The following EYS variants were observed in gnomAD, a reference collection of about 807,000 sequenced individuals.
The protein encoded by EYS is EGF-like photoreceptor maintenance factor.
Under a neutral mutation model 282.1 loss-of-function variants are expected in EYS, and 250 were observed. The ratio of observed to expected loss-of-function variants is 0.89; its 90% CI spans 0.80 to 0.98. EYS has a LOEUF of 0.98. Ranked by LOEUF, EYS falls within the 50% of genes least tolerant of loss-of-function variation. EYS has a pLI of 0.00. For missense variants in EYS, 4,016 were observed against 3,709.0 expected (o/e 1.08, Z -2.15); for synonymous variants, 1,355 against 1,282.9 (o/e 1.06, Z -1.20).
intron 35 of EYS, among the ~76,000 whole-genome samples, chr6:63,894,348 A>C (rs1197183229): frequency 6.6e-6 from 1 of 152,102 alleles, no homozygotes; most frequent in Non-Finnish European, 1.5e-5. Flanking sequence ...CTTCAGACAG[A>C]CAGACGCAGA....
chr6:63,843,179 A>T (rs1184395576), intron 36 of EYS, among the ~76,000 whole-genome samples: 1 of 152,214 alleles, frequency 6.6e-6, no homozygotes, highest in Non-Finnish European at 1.5e-5. Flanking sequence ...ATAGCATTGA[A>T]TTTATAAATT....
intron 2 of EYS, among the ~76,000 whole-genome samples, chr6:65,561,517 T>C (rs1200235024): frequency 2.0e-5 from 3 of 152,136 alleles, no homozygotes; most frequent in African/African-American, 7.2e-5. Context: ...CACTCCCAGG[T>C]GTATCACATT....
In EYS at chr6:64,591,960, C is replaced by A; in HGVS notation, c.3907G>T (p.Asp1303Tyr). 6.6e-7 allele frequency: 1 copy of A among 1,510,008 alleles called. No homozygotes were observed. Among genetic ancestry groups the A allele is most frequent in the South Asian group, 1.3e-5 (1 of 77,624 alleles). 93.5% of individuals were successfully genotyped at this position (1,510,008 alleles called of 1,614,324 possible). The stretch of plus-strand genomic sequence containing the variant: ...GCCAAACCAGTGGTTGGGAGAATGT[C>A]GTGCTTGACAATGCCTGTCTGTTTT... Reference protein sequence around the residue: ...GPKQTGIVKHDILPTTGLATL... With the variant: ...GPKQTGIVKHYILPTTGLATL... The change falls in exon 26 of 43, where the codon GAC (aspartate) becomes TAC (tyrosine). Residue 1303 changes from aspartate to tyrosine, a missense_variant. By Grantham distance (160) the Asp-to-Tyr change is radical. Transcript: ENST00000503581.
chr6:64,781,533 CGCTACTGCACTCCA>C (rs903204468), intron 22 of EYS, among the ~76,000 whole-genome samples: 1 of 145,788 alleles, frequency 6.9e-6, no homozygotes, highest in Non-Finnish European at 1.5e-5. Flanking sequence ...GCCGAGATTG[CGCTACTGCACTCCA>C]GCCTGGGCGA....
chr6:63,797,920 A>G (rs1770685797), intron 37 of EYS: 1 of 152,192 alleles, frequency 6.6e-6, no homozygotes, highest in African/African-American at 2.4e-5. Context: ...TATGGCCCAC[A>G]TTTTTATATC....
At chr6:65,027,020 GTGT>G (rs1561928360) in intron 13 of EYS, among the ~76,000 whole-genome samples, 1 of 129,650 alleles carries the variant, frequency 7.7e-6, no homozygotes, top group Non-Finnish European at 1.6e-5. Flanking sequence ...TTTGTAATGT[GTGT>G]TTTTTTTTTT....
chr6:64,778,340 G>T (rs1030104617), intron 22 of EYS, among the ~76,000 whole-genome samples: 1 of 152,160 alleles, frequency 6.6e-6, no homozygotes, highest in East Asian at 1.9e-4. Context: ...AGCATCCAAA[G>T]AAATCTGCAA....
intron 30 of EYS, among the ~76,000 whole-genome samples, chr6:64,280,554 C>A (rs186788099): frequency 6.6e-6 from 1 of 152,160 alleles, no homozygotes; most frequent in Admixed American, 6.5e-5. Flanking sequence ...TAAATTTATA[C>A]AGATGGTTCT....
At chr6:65,300,225 C>T (rs372089691) in intron 11 of EYS, among the ~76,000 whole-genome samples, 6 of 152,148 alleles carry the variant, frequency 3.9e-5, no homozygotes, top group African/African-American at 7.2e-5. Flanking sequence ...TCCACAGGCT[C>T]ACTTCATAGT....
At chr6:64,991,635 T>C (rs1022638947) in intron 14 of EYS, among the ~76,000 whole-genome samples, 2 of 151,640 alleles carry the variant, frequency 1.3e-5, no homozygotes, top group African/African-American at 4.8e-5. Flanking sequence ...TTTATTACAA[T>C]AGTGTGGAGA....
At chr6:64,032,248 T>A (rs977857390) in intron 33 of EYS, among the ~76,000 whole-genome samples, 1 of 151,868 alleles carries the variant, frequency 6.6e-6, no homozygotes, top group Non-Finnish European at 1.5e-5. Flanking sequence ...ACGCACCACC[T>A]TAAGAGCTGT....
At position 64,298,399 on chromosome 6, in the gene EYS, T is replaced by C. The variant is rs950515113; in HGVS notation, c.6191+8571A>G. 2.0e-5 allele frequency among the ~76,000 whole-genome samples: 3 copies of C among 152,130 alleles called. No individual in the cohort carries two copies. In the East Asian group the frequency reaches 5.8e-4, roughly 29 times the overall value. ...AGATGTTATGTATAAAGATGTAATTTTGTGCCATCAACAATCAAAAGGAGT... is the reference window on the plus strand; with the variant it reads ...AGATGTTATGTATAAAGATGTAATTCTGTGCCATCAACAATCAAAAGGAGT... On this transcript the variant is annotated intron_variant, in intron 30 of 42. Transcript: ENST00000503581.
chr6:65,156,425 T>A (rs1764732067), intron 12 of EYS, among the ~76,000 whole-genome samples: 1 of 151,164 alleles, frequency 6.6e-6, no homozygotes, highest in Admixed American at 6.6e-5. Context: ...TGTTCCCATA[T>A]TTTCTGGACT....
chr6:64,373,459 G>A (rs1436440038), intron 29 of EYS, among the ~76,000 whole-genome samples: 2 of 152,182 alleles, frequency 1.3e-5, no homozygotes, highest in Non-Finnish European at 2.9e-5. Flanking sequence ...CTGTCTGTGT[G>A]CTTCATGTGA....
intron 1 of EYS, among the ~76,000 whole-genome samples, chr6:65,685,917 A>C (rs148355629): frequency 6.6e-6 from 1 of 152,108 alleles, no homozygotes; most frequent in African/African-American, 2.4e-5. Context: ...TCACTGTTCT[A>C]AGGTAAGTAC....
At chr6:63,834,864 A>G (rs964742677) in intron 36 of EYS, among the ~76,000 whole-genome samples, 1 of 151,910 alleles carries the variant, frequency 6.6e-6, no homozygotes, top group Non-Finnish European at 1.5e-5. Flanking sequence ...ATGGAATACT[A>G]TGCAGCCATA....
chr6:64,240,336 A>G (rs546516643), intron 30 of EYS, among the ~76,000 whole-genome samples: 1 of 152,306 alleles, frequency 6.6e-6, no homozygotes, highest in Non-Finnish European at 1.5e-5. Context: ...TTTATAAATT[A>G]CTTTGGGCAA....
At chr6:65,109,497 T>G (rs1333283758) in intron 12 of EYS, among the ~76,000 whole-genome samples, 2 of 151,950 alleles carry the variant, frequency 1.3e-5, no homozygotes, top group Non-Finnish European at 2.9e-5. Flanking sequence ...ATTACAAGAG[T>G]TGTCTTGAGT....
chr6:64,345,938 AACAC>A (rs1189605523), intron 29 of EYS, among the ~76,000 whole-genome samples: 2 of 152,100 alleles, frequency 1.3e-5, no homozygotes, highest in Non-Finnish European at 2.9e-5. Flanking sequence ...GCAGCCAAAA[AACAC>A]ATGAAAAAAT....
Sources: gnomAD v4.1 joint callset for allele counts (sites outside exome capture counted in the v4.1 genomes callset) on GRCh38, gnomAD v4.1.1 for gene constraint, MANE v1.5 for transcripts, NCBI Gene and HGNC (gene_info 2026-07-23, HGNC 2026-07-21) for gene names.